The following GALNT13 variants were observed in gnomAD, a reference collection of about 807,000 sequenced individuals.
The protein encoded by GALNT13 is polypeptide N-acetylgalactosaminyltransferase 13, also known as UDP-GalNAc:polypeptide N-acetylgalactosaminyltransferase 13.
A neutral mutation model predicts 64.2 loss-of-function variants in GALNT13; 28 were observed. The observed-to-expected ratio is 0.44, with a 90% CI of 0.32 to 0.60. GALNT13 has a LOEUF of 0.60. Ranked by LOEUF, GALNT13 falls within the 20% of genes least tolerant of loss-of-function variation. The pLI is 0.05. For missense variants in GALNT13, 577 were observed against 669.8 expected, an observed-to-expected ratio of 0.86 and a Z score of 1.53; for synonymous variants, 214 against 224.6, an observed-to-expected ratio of 0.95 and a Z score of 0.42.
At chr2:153,804,210 C>T in the GALNT13 span, among the ~76,000 whole-genome samples, 3 of 152,202 alleles carry the variant, frequency 2.0e-5, no homozygotes, top group East Asian at 5.8e-4. Context: ...GCCCTGTGGC[C>T]GAGGCTTGAG....
At chr2:154,446,495 G>T in intron 12 of GALNT13, 1 of 1,406,950 alleles carries the variant, frequency 7.1e-7, no homozygotes, top group South Asian at 1.5e-5. Flanking sequence ...ATTGCATGTT[G>T]CCTAGGATGA....
intron 3 of GALNT13, among the ~76,000 whole-genome samples, chr2:154,083,512 A>G (rs1365430143): frequency 6.6e-6 from 1 of 151,852 alleles, no homozygotes; most frequent in African/African-American, 2.4e-5. Context: ...CAGCATGGCC[A>G]TTTTCATGCT....
chr2:153,528,451 G>T, the GALNT13 span, among the ~76,000 whole-genome samples: 3 of 152,068 alleles, frequency 2.0e-5, no homozygotes, highest in East Asian at 5.8e-4. Flanking sequence ...TAGAGCTAAA[G>T]AGAGACTCCA....
the GALNT13 span, among the ~76,000 whole-genome samples, chr2:153,803,113 G>A: frequency 6.6e-6 from 1 of 152,002 alleles, no homozygotes; most frequent in Admixed American, 6.6e-5. Flanking sequence ...GTAATTTCAG[G>A]GTGCCACTGG....
At chr2:154,133,629 C>G (rs1259589136) in intron 3 of GALNT13, among the ~76,000 whole-genome samples, 1 of 135,146 alleles carries the variant, frequency 7.4e-6, no homozygotes, top group Non-Finnish European at 1.5e-5. Context: ...ATTCTAATTA[C>G]TTTTTTATCA....
At chr2:153,849,499 T>A in the GALNT13 span, among the ~76,000 whole-genome samples, 3 of 152,186 alleles carry the variant, frequency 2.0e-5, no homozygotes, top group Non-Finnish European at 4.4e-5. Flanking sequence ...ACAACACTTT[T>A]CAGATAATGA....
At chr2:153,439,720 C>T in the GALNT13 span, among the ~76,000 whole-genome samples, 6 of 152,238 alleles carry the variant, frequency 3.9e-5, no homozygotes, top group Non-Finnish European at 7.4e-5. Flanking sequence ...CATCAGTCAC[C>T]CCTTTCTTTG....
At chr2:153,862,159 G>T in the GALNT13 span, among the ~76,000 whole-genome samples, 9 of 152,172 alleles carry the variant, frequency 5.9e-5, no homozygotes. Flanking sequence ...ATAGCTCTGG[G>T]TATTTGCTTC....
At chr2:153,353,320 T>TTTG in the GALNT13 span, among the ~76,000 whole-genome samples, 1 of 152,204 alleles carries the variant, frequency 6.6e-6, no homozygotes, top group Non-Finnish European at 1.5e-5. Context: ...AACCTTGCTA[T>TTTG]AATCTCTTAT....
chr2:154,440,076 A>G (rs887106114), intron 12 of GALNT13, among the ~76,000 whole-genome samples: 3 of 152,194 alleles, frequency 2.0e-5, no homozygotes, highest in African/African-American at 7.2e-5. Flanking sequence ...AAAGTGCAGT[A>G]AAATGTACAG....
the GALNT13 span, among the ~76,000 whole-genome samples, chr2:153,640,196 A>G: frequency 6.6e-6 from 1 of 152,002 alleles, no homozygotes; most frequent in African/African-American, 2.4e-5. Context: ...CTGGAGAATG[A>G]TAGTTTTTAC....
chr2:153,085,907 A>G, the GALNT13 span, among the ~76,000 whole-genome samples: 3 of 152,208 alleles, frequency 2.0e-5, no homozygotes, highest in African/African-American at 7.2e-5. Flanking sequence ...GTGAAAGCAG[A>G]CAGGAGGGAG....
intron 3 of GALNT13, among the ~76,000 whole-genome samples, chr2:154,068,036 T>TA (rs1454685484): frequency 6.6e-6 from 1 of 151,930 alleles, no homozygotes; most frequent in Non-Finnish European, 1.5e-5. Context: ...ATAATCCATT[T>TA]AAAAAATGGG....
the GALNT13 span, among the ~76,000 whole-genome samples, chr2:153,361,757 C>A: frequency 6.6e-6 from 1 of 152,102 alleles, no homozygotes; most frequent in Non-Finnish European, 1.5e-5. Flanking sequence ...ATTGGAGTAC[C>A]TGAAAGAGAA....
the GALNT13 span, among the ~76,000 whole-genome samples, chr2:153,520,118 GA>G: frequency 1.2e-4 from 18 of 151,776 alleles, no homozygotes; most frequent in Admixed American, 2.6e-4. Flanking sequence ...TGTCTTACTA[GA>G]AAAAAAATTT....
chr2:154,177,193 A>G (rs547908614), intron 4 of GALNT13, among the ~76,000 whole-genome samples: 2 of 152,350 alleles, frequency 1.3e-5, no homozygotes, highest in South Asian at 2.1e-4. Flanking sequence ...GCTGTGGTAC[A>G]TCCAGACAAT....
At chr2:153,836,515 A>G in the GALNT13 span, among the ~76,000 whole-genome samples, 473 of 147,648 alleles carry the variant, frequency 3.2e-3, 1 homozygote, top group Non-Finnish European at 5.6e-3. Flanking sequence ...TTTTTTTTTT[A>G]TATTTATTAT....
chr2:153,115,208 T>C, the GALNT13 span, among the ~76,000 whole-genome samples: 1 of 152,194 alleles, frequency 6.6e-6, no homozygotes, highest in Non-Finnish European at 1.5e-5. Flanking sequence ...TATTCCTGGG[T>C]CATCACTCTT....
chr2:153,208,647 T>C, the GALNT13 span, among the ~76,000 whole-genome samples: 1 of 152,220 alleles, frequency 6.6e-6, no homozygotes, highest in African/African-American at 2.4e-5. Flanking sequence ...TTCATTTTCA[T>C]TTCTCTTAAG....
Sources: gnomAD v4.1 joint callset for allele counts (sites outside exome capture counted in the v4.1 genomes callset) on GRCh38, gnomAD v4.1.1 for gene constraint, MANE v1.5 for transcripts, NCBI Gene and HGNC (gene_info 2026-07-23, HGNC 2026-07-21) for gene names.